EXT1: variants seen among roughly 807,000 people sequenced by gnomAD.
EXT1 encodes exostosin-1.
Under a neutral mutation model 82.5 loss-of-function variants are expected in EXT1, and 20 were observed. That is an observed-to-expected ratio of 0.24 (90% CI 0.17 to 0.35). EXT1 has a LOEUF of 0.35. EXT1 is among the 10% of genes least tolerant of loss of function. The pLI, the probability that EXT1 is intolerant of heterozygous loss-of-function variation, is 1.00. For synonymous variants in EXT1, 348 were observed against 350.8 expected (o/e 0.99, Z 0.09); for missense variants, 757 against 936.5 (o/e 0.81, Z 2.50).
At chr8:117,982,667 A>C (rs1815234264) in intron 1 of EXT1, among the ~76,000 whole-genome samples, 1 of 151,874 alleles carries the variant, frequency 6.6e-6, no homozygotes, top group South Asian at 2.1e-4. Flanking sequence ...ATTTTTTAAA[A>C]ATATTTTTGG....
At chr8:118,060,874 T>G (rs1816870713) in intron 1 of EXT1, among the ~76,000 whole-genome samples, 1 of 152,232 alleles carries the variant, frequency 6.6e-6, no homozygotes, top group Admixed American at 6.5e-5. Flanking sequence ...TGAGGAAGAC[T>G]TATCTGCCTT....
intron 8 of EXT1, 127 bp downstream of exon 8, chr8:117,812,745 C>T: frequency 1.2e-6 from 1 of 862,968 alleles, no homozygotes; most frequent in Non-Finnish European, 1.9e-6. Context: ...AAAACCAGCG[C>T]TGTAGGAAGT....
intron 1 of EXT1, among the ~76,000 whole-genome samples, chr8:118,053,757 A>C (rs959051956): frequency 2.0e-5 from 3 of 152,190 alleles, no homozygotes; most frequent in Non-Finnish European, 2.9e-5. Context: ...TTTGCCAAAG[A>C]CCATACAGCT....
chr8:117,900,382 A>G (rs1318525608), intron 1 of EXT1, among the ~76,000 whole-genome samples: 1 of 152,228 alleles, frequency 6.6e-6, no homozygotes. Context: ...GTTCAAAACA[A>G]TCTTATTATA....
chr8:118,095,072 G>T (rs1157836946), intron 1 of EXT1, among the ~76,000 whole-genome samples: 1 of 152,136 alleles, frequency 6.6e-6, no homozygotes, highest in Non-Finnish European at 1.5e-5. Context: ...TCTCTGTGTA[G>T]GAAAATCAGA....
chr8:117,898,851 T>C (rs1339275770), intron 1 of EXT1, among the ~76,000 whole-genome samples: 1 of 151,860 alleles, frequency 6.6e-6, no homozygotes. Context: ...TGAACACAGC[T>C]CTTCCAAGCT....
chr8:117,806,533 A>T (rs1202581442), intron 9 of EXT1, among the ~76,000 whole-genome samples: 2 of 152,158 alleles, frequency 1.3e-5, no homozygotes, highest in African/African-American at 4.8e-5. Flanking sequence ...ACTTCCTGTC[A>T]CCCATTCCAC....
chr8:118,084,383 T>C (rs1817383683), intron 1 of EXT1, among the ~76,000 whole-genome samples: 1 of 152,238 alleles, frequency 6.6e-6, no homozygotes, highest in Non-Finnish European at 1.5e-5. Flanking sequence ...ATAGTACTTG[T>C]CATAATGCAT....
At chr8:117,915,001 T>C (rs567110227) in intron 1 of EXT1, among the ~76,000 whole-genome samples, 104 of 152,280 alleles carry the variant, frequency 6.8e-4, no homozygotes, top group African/African-American at 2.4e-3. Context: ...TCTTACACCC[T>C]CTCCCCTTTT....
At chr8:118,109,332 T>G (rs1467505168) in intron 1 of EXT1, among the ~76,000 whole-genome samples, 1 of 146,412 alleles carries the variant, frequency 6.8e-6, no homozygotes, top group Non-Finnish European at 1.5e-5. Flanking sequence ...GCAACTGGAG[T>G]TTAGACAGTG....
chr8:117,950,348 CA>C (rs1814469371), intron 1 of EXT1, among the ~76,000 whole-genome samples: 1 of 152,208 alleles, frequency 6.6e-6, no homozygotes, highest in Admixed American at 6.5e-5. Flanking sequence ...TTTCGACCAG[CA>C]GCTATTTCAA....
chr8:118,050,406 A>T (rs1056666645), intron 1 of EXT1, among the ~76,000 whole-genome samples: 2 of 152,234 alleles, frequency 1.3e-5, no homozygotes, highest in East Asian at 3.8e-4. Flanking sequence ...CTCTGAGGAA[A>T]CCAAGACATA....
At chr8:117,993,800 C>T (rs181184911) in intron 1 of EXT1, among the ~76,000 whole-genome samples, 19 of 152,294 alleles carry the variant, frequency 1.2e-4, no homozygotes, top group Admixed American at 1.1e-3. Flanking sequence ...TAAAAATGTC[C>T]TGGTTATCTT....
intron 1 of EXT1, among the ~76,000 whole-genome samples, chr8:117,958,244 A>G (rs1814627617): frequency 6.6e-6 from 1 of 152,230 alleles, no homozygotes; most frequent in South Asian, 2.1e-4. Context: ...AACAACATTC[A>G]TCTCATAGGA....
At chr8:117,898,999 A>G (rs1404577501) in intron 1 of EXT1, among the ~76,000 whole-genome samples, 3 of 152,298 alleles carry the variant, frequency 2.0e-5, no homozygotes, top group Non-Finnish European at 4.4e-5. Flanking sequence ...GTGAAAAATG[A>G]AGTGATTGAT....
chr8:117,977,930 A>T (rs1815103271), intron 1 of EXT1, among the ~76,000 whole-genome samples: 1 of 152,252 alleles, frequency 6.6e-6, no homozygotes, highest in Non-Finnish European at 1.5e-5. Context: ...GAAATTTAAC[A>T]AAAATGTAAA....
chr8:117,911,720 C>T (rs1813651493), intron 1 of EXT1, among the ~76,000 whole-genome samples: 1 of 152,164 alleles, frequency 6.6e-6, no homozygotes, highest in Non-Finnish European at 1.5e-5. Context: ...GTGCCAGGTT[C>T]GAGGATACCC....
intron 1 of EXT1, among the ~76,000 whole-genome samples, chr8:117,865,531 G>T (rs529900020): frequency 6.6e-6 from 1 of 152,312 alleles, no homozygotes; most frequent in South Asian, 2.1e-4. Flanking sequence ...TACTTACTGA[G>T]AGATTTATTT....
intron 1 of EXT1, among the ~76,000 whole-genome samples, chr8:117,894,440 G>A (rs575176869): frequency 6.6e-6 from 1 of 152,224 alleles, no homozygotes; most frequent in Admixed American, 6.5e-5. Flanking sequence ...ACAGCAGAAG[G>A]TTCCTAATCC....
Sources: gnomAD v4.1 joint callset for allele counts (sites outside exome capture counted in the v4.1 genomes callset) on GRCh38, gnomAD v4.1.1 for gene constraint, MANE v1.5 for transcripts, NCBI Gene and HGNC (gene_info 2026-07-23, HGNC 2026-07-21) for gene names.